Variants in PALM2AKAP2 observed in about 807,000 individuals in gnomAD.
PALM2AKAP2 encodes the protein PALM2-AKAP2 fusion protein.
A neutral mutation model predicts 71.5 loss-of-function variants in PALM2AKAP2; 37 were observed. That is an observed-to-expected ratio of 0.52 (90% CI 0.40 to 0.68). PALM2AKAP2 has a LOEUF of 0.68. PALM2AKAP2 is among the 30% of genes least tolerant of loss of function. The pLI is 0.00. For missense variants in PALM2AKAP2, 1,224 were observed against 1,191.8 expected, an observed-to-expected ratio of 1.03 and a Z score of -0.40; for synonymous variants, 468 against 478.8, an observed-to-expected ratio of 0.98 and a Z score of 0.29.
rs1215794804 is a variant in PALM2AKAP2 at position 110,162,089 on chromosome 9, G to A, written c.2748+5592G>A. 1.9e-6 allele frequency: 3 copies of A among 1,613,824 alleles called. No homozygotes were observed. The highest frequency in any genetic ancestry group is 2.7e-5 in the African/African-American group (2 of 74,926). Reference sequence around the variant, plus strand: ...ACTAACCCTGGTCTTTTCCCTCTCTGCCAGTACACTTCTAAGTTACTGTCT... The same window carrying A: ...ACTAACCCTGGTCTTTTCCCTCTCTACCAGTACACTTCTAAGTTACTGTCT... On this transcript the variant is annotated intron_variant, in intron 3 of 3. Transcript: ENST00000374525.
chr9:109,971,325 G>C (rs948193416), intron 6 of PALM2AKAP2, among the ~76,000 whole-genome samples: 1 of 111,892 alleles, frequency 8.9e-6, no homozygotes, highest in Non-Finnish European at 1.8e-5. Flanking sequence ...ACAGAGAAAA[G>C]GGGTCTGTTT....
chr9:109,687,893 T>C (rs1245278903), intron 1 of PALM2AKAP2, among the ~76,000 whole-genome samples: 1 of 152,214 alleles, frequency 6.6e-6, no homozygotes, highest in African/African-American at 2.4e-5. Flanking sequence ...GAGACCATTG[T>C]AGGGTTATTA....
chr9:110,039,825 G>A (rs1487161547), intron 7 of PALM2AKAP2, among the ~76,000 whole-genome samples: 1 of 152,170 alleles, frequency 6.6e-6, no homozygotes, highest in Non-Finnish European at 1.5e-5. Flanking sequence ...TGAGCCCTCT[G>A]TGGGAATCAC....
chr9:109,706,384 T>C (rs2118596054), intron 1 of PALM2AKAP2, among the ~76,000 whole-genome samples: 1 of 152,260 alleles, frequency 6.6e-6, no homozygotes, highest in Middle Eastern at 3.4e-3. Context: ...ACAATGGATA[T>C]TATGAAAGAT....
chr9:109,925,324 C>T (rs1034283331), intron 5 of PALM2AKAP2, among the ~76,000 whole-genome samples: 1 of 152,084 alleles, frequency 6.6e-6, no homozygotes, highest in Non-Finnish European at 1.5e-5. Context: ...GGCTCTTCTC[C>T]TTCCCATTAG....
At chr9:110,024,925 C>T (rs766670591) in intron 7 of PALM2AKAP2, 170 of 1,366,072 alleles carry the variant, frequency 1.2e-4, no homozygotes, top group Non-Finnish European at 1.7e-4. Flanking sequence ...AGTTCAGGCT[C>T]CTTCCCATTG....
At position 110,168,405 on chromosome 9, in the gene PALM2AKAP2, G is replaced by A. The variant is rs1836787064; in HGVS notation, c.2755G>A (p.Glu919Lys). The A allele has an allele frequency of 3.7e-6, 6 of 1,613,844 alleles. No homozygotes were observed. The highest frequency in any genetic ancestry group is 2.2e-5 in the East Asian group (1 of 44,896). The change falls in exon 4 of 4, where the codon GAG becomes AAG. Residue 919 changes from glutamate (E) to lysine (K), a missense_variant. Transcript: ENST00000374525. ...TTTTCCCCTCTCTTTACAGGTCCTC[G>A]AGGCCACACGGGTTAATCGAAGAAA...
At chr9:110,162,119 A>G (rs903417230) in intron 3 of PALM2AKAP2, 1 of 1,614,062 alleles carries the variant, frequency 6.2e-7, no homozygotes, top group Admixed American at 1.7e-5. Context: ...CTGTCTTGCA[A>G]GGTGACTTCC....
At chr9:110,159,805 C>G (rs1836551604) in intron 3 of PALM2AKAP2, among the ~76,000 whole-genome samples, 1 of 152,178 alleles carries the variant, frequency 6.6e-6, no homozygotes, top group African/African-American at 2.4e-5. Flanking sequence ...CCTGCTCTCT[C>G]CAGTTTTCCA....
chr9:110,131,799 C>T (rs1330600868), intron 1 of PALM2AKAP2, among the ~76,000 whole-genome samples: 1 of 152,072 alleles, frequency 6.6e-6, no homozygotes, highest in Non-Finnish European at 1.5e-5. Context: ...TAAATACTTC[C>T]ATGCCAATTA....
exon 2 of PALM2AKAP2, chr9:110,138,222 C>T: frequency 1.2e-6 from 2 of 1,614,100 alleles, no homozygotes; most frequent in East Asian, 2.2e-5. Flanking sequence ...CCACTGCCAG[C>T]TGTGCAGCCC....
intron 1 of PALM2AKAP2, among the ~76,000 whole-genome samples, chr9:110,049,887 G>C (rs917507443): frequency 6.6e-6 from 1 of 152,210 alleles, no homozygotes; most frequent in Non-Finnish European, 1.5e-5. Context: ...GCTCTCCAAC[G>C]CGGATGCCAG....
intron 1 of PALM2AKAP2, among the ~76,000 whole-genome samples, chr9:109,701,294 T>G (rs951991267): frequency 6.6e-6 from 1 of 152,244 alleles, no homozygotes; most frequent in Non-Finnish European, 1.5e-5. Context: ...AAGTCAATCC[T>G]AAGCCAAAAG....
intron 1 of PALM2AKAP2, among the ~76,000 whole-genome samples, chr9:110,072,756 C>T (rs1029810257): frequency 2.8e-4 from 43 of 152,182 alleles, no homozygotes; most frequent in Admixed American, 4.6e-4. Context: ...CCCACATAAC[C>T]CACCTTGGGG....
intron 1 of PALM2AKAP2, among the ~76,000 whole-genome samples, chr9:109,645,343 C>T (rs969231770): frequency 3.9e-5 from 6 of 152,072 alleles, no homozygotes; most frequent in Non-Finnish European, 8.8e-5. Flanking sequence ...AAAGGCCTGC[C>T]CCCATGATTC....
intron 7 of PALM2AKAP2, among the ~76,000 whole-genome samples, chr9:110,038,930 G>A (rs577752215): frequency 0.017 from 361 of 21,122 alleles, 1 homozygote; most frequent in Non-Finnish European, 0.022. Flanking sequence ...AGCAAAACTC[G>A]GTCTCAAAAA....
intron 6 of PALM2AKAP2, 61 bp from the exon 7 acceptor site, chr9:110,015,893 A>G (rs1019956845): frequency 6.9e-7 from 1 of 1,445,938 alleles, no homozygotes; most frequent in South Asian, 1.2e-5. Context: ...AGCAATAACA[A>G]CTGTGTATCC....
chr9:109,983,412 C>A (rs774179419), intron 6 of PALM2AKAP2, among the ~76,000 whole-genome samples: 49 of 152,058 alleles, frequency 3.2e-4, no homozygotes, highest in Non-Finnish European at 4.7e-4. Flanking sequence ...TTTTTCGTCT[C>A]CTTCTTTTTC....
chr9:109,663,176 GTCTC>G (rs1220549896), intron 1 of PALM2AKAP2, among the ~76,000 whole-genome samples: 2 of 152,066 alleles, frequency 1.3e-5, no homozygotes, highest in Non-Finnish European at 2.9e-5. Context: ...GGTTTTTTGT[GTCTC>G]TATCTCTTTC....
Sources: gnomAD v4.1 joint callset for allele counts (sites outside exome capture counted in the v4.1 genomes callset) on GRCh38, gnomAD v4.1.1 for gene constraint, MANE v1.5 for transcripts, NCBI Gene and HGNC (gene_info 2026-07-23, HGNC 2026-07-21) for gene names.